Variants in GPR37 observed in about 807,000 individuals in gnomAD.
GPR37 encodes the protein G protein-coupled receptor 37, also known as prosaposin receptor GPR37.
Under a neutral mutation model 43.6 loss-of-function variants are expected in GPR37, and 20 were observed. The observed-to-expected ratio is 0.46, with a 90% CI of 0.32 to 0.67. The LOEUF is 0.67. Among genes scored for constraint, GPR37 ranks in the 30% least tolerant of loss-of-function variants. The pLI is 0.03. For synonymous variants in GPR37, 315 were observed against 322.6 expected, an observed-to-expected ratio of 0.98 and a Z score of 0.25; for missense variants, 724 against 797.2, an observed-to-expected ratio of 0.91 and a Z score of 1.11.
intron 1 of GPR37, among the ~76,000 whole-genome samples, chr7:124,762,375 C>T (rs1793860844): frequency 1.3e-5 from 2 of 151,488 alleles, no homozygotes; most frequent in Admixed American, 1.3e-4. Context: ...TCTACATGTC[C>T]AGTACATTTC....
At chr7:124,755,099 G>C (rs1000016522) in intron 1 of GPR37, among the ~76,000 whole-genome samples, 1 of 152,064 alleles carries the variant, frequency 6.6e-6, no homozygotes, top group African/African-American at 2.4e-5. Flanking sequence ...CAAAAGCAGA[G>C]AAGGAGAGAC....
chr7:124,764,665 C>G lies in GPR37; in HGVS notation c.312G>C (p.Ala104=). ...RDPAAGRGAE[A]SAAGPPGPPT... is the part of the protein sequence containing the mutation. Reference sequence around the variant, plus strand: ...GAGGTCCCGGGGGTCCGGCTGCCGACGCCTCCGCCCCTCTGCCTGCAGCCG... The same window carrying G: ...GAGGTCCCGGGGGTCCGGCTGCCGAGGCCTCCGCCCCTCTGCCTGCAGCCG... The change falls in exon 1 of 2, where the codon GCG becomes GCC. Residue 104 remains alanine, a synonymous_variant. Coordinates refer to ENST00000303921, the MANE Select transcript of GPR37 (RefSeq NM_005302.5). This position sits in a 1 kb window ranked among gnomAD's most constrained non-coding sequence, Gnocchi z 5.4. 6.3e-7 allele frequency: 1 copy of G among 1,582,638 alleles called. No individual in the cohort carries two copies. The highest frequency in any genetic ancestry group is 8.6e-7 in the Non-Finnish European group (1 of 1,165,292).
intron 1 of GPR37, among the ~76,000 whole-genome samples, chr7:124,753,861 T>C (rs1267653677): frequency 6.6e-6 from 1 of 152,038 alleles, no homozygotes; most frequent in African/African-American, 2.4e-5. Context: ...AGATCGTGAG[T>C]CCCAAATTTT....
At chr7:124,758,787 C>A (rs1455841394) in intron 1 of GPR37, among the ~76,000 whole-genome samples, 1 of 152,194 alleles carries the variant, frequency 6.6e-6, no homozygotes, top group East Asian at 1.9e-4. Context: ...CTCTCTCCAC[C>A]TCTGTGCAGG....
rs532602278 is a variant in GPR37 at position 124,747,760 on chromosome 7, A to C, written c.1024-417T>G. Among the ~76,000 whole-genome samples, 113 of 152,166 alleles carry C rather than the reference A, an allele frequency of 7.4e-4. 2 individuals are homozygous for C. The highest frequency in any genetic ancestry group is 6.2e-3 in the Admixed American group (94 of 15,270). On this transcript the variant is annotated intron_variant, in intron 1 of 1. Transcript: ENST00000303921. The stretch of plus-strand genomic sequence containing the variant: ...ATTTTCATTGCTGACCAGGATGCTC[A>C]TGTTTTCCAGTGTGAGGGTCAGTAG...
chr7:124,761,154 C>CAAAAAAAAAAAAAAAAAAAAAAAAAAA (rs60967099), intron 1 of GPR37, among the ~76,000 whole-genome samples: 2 of 77,470 alleles, frequency 2.6e-5, no homozygotes, highest in African/African-American at 1.1e-4. Context: ...GACTCCGTCT[C>CAAAAAAAAAAAAAAAAAAAAAAAAAAA]AAAAAAAAAA....
intron 1 of GPR37, among the ~76,000 whole-genome samples, chr7:124,759,062 T>G (rs1431138812): frequency 6.7e-6 from 1 of 149,946 alleles, no homozygotes; most frequent in Non-Finnish European, 1.5e-5. Flanking sequence ...TCTGAATTAT[T>G]TGAATTTTTT....
chr7:124,764,439 A>C lies in GPR37; in HGVS notation c.538T>G (p.Phe180Val), dbSNP rs576375768. ...TTCCCGGCTCTCCTTGGCCAGTAAA[A>C]AAGATCGCTGGCTCCGGGGACTGTC... ...VKTVPGASDL[F>V]YWPRRAGKLQ... The change falls in exon 1 of 2, where the codon TTT becomes GTT. Residue 180 changes from phenylalanine to valine, a missense_variant. Phe to Val is a conservative substitution (Grantham distance 50). Coordinates refer to ENST00000303921, the MANE Select transcript of GPR37 (RefSeq NM_005302.5). The surrounding 1 kb of genome is among the most constrained non-coding windows in gnomAD (Gnocchi z 5.4). The C allele has an allele frequency of 6.2e-7, 1 of 1,613,652 alleles. No homozygotes were observed. The highest frequency in any genetic ancestry group is 1.1e-5 in the South Asian group (1 of 91,076).
chr7:124,760,918 G>C (rs895162580), intron 1 of GPR37, among the ~76,000 whole-genome samples: 8 of 152,138 alleles, frequency 5.3e-5, no homozygotes, highest in African/African-American at 1.9e-4. Context: ...AGAACTTTGG[G>C]ACGCAGAGGT....
intron 1 of GPR37, among the ~76,000 whole-genome samples, 173 bp from the exon 2 acceptor site, chr7:124,747,516 A>T (rs1793687676): frequency 6.6e-6 from 1 of 152,176 alleles, no homozygotes; most frequent in South Asian, 2.1e-4. Context: ...TCAGGACGTC[A>T]GCTGAATCAT....
chr7:124,764,211 G>A lies in GPR37; in HGVS notation c.766C>T (p.Gln256Ter), dbSNP rs1326465931. 1 of 1,593,344 alleles carries A rather than the reference G, an allele frequency of 6.3e-7. No homozygotes were observed. The highest frequency in any genetic ancestry group is 8.5e-7 in the Non-Finnish European group (1 of 1,169,728). The change falls in exon 1 of 2, where the codon CAG becomes TAG. Residue 256 changes from glutamine (Q) to a stop codon, truncating the protein, a stop_gained. Coordinates refer to ENST00000303921, the MANE Select transcript of GPR37 (RefSeq NM_005302.5). LOFTEE classifies it high-confidence loss of function. This position sits in a 1 kb window ranked among gnomAD's most constrained non-coding sequence, Gnocchi z 5.4. ...RLKNPFYPLTQESYGAYAVMC... is the reference protein window; with the variant it reads ...RLKNPFYPLT ...ACCGCGTAGGCTCCATAGGACTCCT[G>A]GGTCAGCGGGTAGAAGGGGTTCTTC...
chr7:124,745,454 T>G lies in GPR37; in HGVS notation c.*1071A>C, dbSNP rs536771437. Among the ~76,000 whole-genome samples the G allele has an allele frequency of 6.6e-6, 1 of 152,204 alleles. No individual in the cohort carries two copies. The highest frequency in any genetic ancestry group is 1.5e-5 in the Non-Finnish European group (1 of 68,036). On this transcript the variant is annotated 3_prime_UTR_variant, in exon 2 of 2. Transcript: ENST00000303921. ...AGGTTAGGTTTTTTTATTCAGAGTT[T>G]ATGAAGTATCAAGTTAAAGGTAGAA...
intron 1 of GPR37, among the ~76,000 whole-genome samples, chr7:124,757,411 T>C (rs747982380): frequency 3.3e-5 from 5 of 152,200 alleles, no homozygotes; most frequent in East Asian, 1.9e-4. Context: ...AACTGAACTA[T>C]TTGCTGAATT....
At chr7:124,749,096 G>A (rs929360582) in intron 1 of GPR37, among the ~76,000 whole-genome samples, 14 of 152,008 alleles carry the variant, frequency 9.2e-5, no homozygotes, top group Non-Finnish European at 2.1e-4. Flanking sequence ...AGATGGGGAC[G>A]ATGGTTCTCA....
At chr7:124,753,202 TTTA>T (rs1207105299) in intron 1 of GPR37, among the ~76,000 whole-genome samples, 2 of 152,000 alleles carry the variant, frequency 1.3e-5, no homozygotes, top group Non-Finnish European at 2.9e-5. Context: ...CATTTGGAGA[TTTA>T]TAAGATACTG....
chr7:124,762,199 T>A (rs894128004), intron 1 of GPR37, among the ~76,000 whole-genome samples: 8 of 152,158 alleles, frequency 5.3e-5, no homozygotes, highest in African/African-American at 1.9e-4. Context: ...ATGCCATTGC[T>A]CAAAATGCTT....
At position 124,762,196 on chromosome 7, in the gene GPR37, T is replaced by C. The variant is rs1461832352; in HGVS notation, c.1023+1758A>G. Among the ~76,000 whole-genome samples, 6 of 152,150 alleles carry C rather than the reference T, an allele frequency of 3.9e-5. No homozygotes were observed. In the East Asian group the frequency reaches 1.2e-3, roughly 29 times the overall value. On this transcript the variant is annotated intron_variant, in intron 1 of 1. Transcript: ENST00000303921. ...AAAATAAGTACATAATAAATGCCAT[T>C]GCTCAAAATGCTTATATCTCATTAA...
At position 124,764,430 on chromosome 7, in the gene GPR37, G is replaced by C. The variant is rs765934334; in HGVS notation, c.547C>G (p.Pro183Ala). ...CCCTGGAGTTTCCCGGCTCTCCTTG[G>C]CCAGTAAAAAAGATCGCTGGCTCCG... Reference protein sequence around the residue: ...VPGASDLFYWPRRAGKLQGSH... With the variant: ...VPGASDLFYWARRAGKLQGSH... Residue 183 changes from proline (P) to alanine (A), a missense_variant, in exon 1 of 2, where the codon CCA becomes GCA. By Grantham distance (27) the Pro-to-Ala change is conservative. Transcript: ENST00000303921. This position sits in a 1 kb window ranked among gnomAD's most constrained non-coding sequence, Gnocchi z 5.4. 2 of 1,613,544 alleles carry C rather than the reference G, an allele frequency of 1.2e-6. No homozygotes were observed. The highest frequency in any genetic ancestry group is 2.7e-5 in the African/African-American group (2 of 74,934).
intron 1 of GPR37, among the ~76,000 whole-genome samples, chr7:124,757,421 T>C (rs1019626768): frequency 3.3e-5 from 5 of 152,214 alleles, no homozygotes; most frequent in Non-Finnish European, 7.3e-5. Context: ...TTTGCTGAAT[T>C]ATTTTGCCAA....
Sources: allele counts gnomAD v4.1 joint callset (sites outside exome capture counted in the v4.1 genomes callset), GRCh38; gene constraint gnomAD v4.1.1; non-coding constraint Gnocchi (gnomAD v3.1); transcripts MANE v1.5; gene names NCBI Gene and HGNC (gene_info 2026-07-23, HGNC 2026-07-21).